The following PIGB variants were observed in gnomAD, a reference collection of about 807,000 sequenced individuals.
PIGB encodes the protein GPI alpha-1,2-mannosyltransferase 3.
PIGB carries 58 observed loss-of-function variants against 68.4 expected under a neutral mutation model. That is an observed-to-expected ratio of 0.85 (90% confidence interval 0.69 to 1.06). PIGB has a LOEUF of 1.06. PIGB is among the 50% of genes least tolerant of loss of function. The probability of loss-of-function intolerance (pLI) is 0.00; values close to 1 mark genes in which losing one functional copy is unlikely to be tolerated. For missense variants in PIGB, 634 were observed against 655.8 expected (o/e 0.97, Z 0.36); for synonymous variants, 219 against 220.5 (o/e 0.99, Z 0.06).
At position 55,319,495 on chromosome 15, in the gene PIGB, G is replaced by A. The variant is rs562879013; in HGVS notation, c.163+82G>A. ...CCATTTCATTACCAGCCAGTTGCCC[G>A]TTGAGCTCTGTGTTGCCAGATCTTG... On this transcript the variant is annotated intron_variant, in intron 1 of 11. Coordinates refer to ENST00000164305, the MANE Select transcript of PIGB (RefSeq NM_004855.5). 15 of 1,045,124 alleles carry A rather than the reference G, an allele frequency of 1.4e-5. 1 individual carries two copies. The East Asian group carries it at 1.7e-4, about 12-fold the overall frequency. 64.7% of individuals were successfully genotyped at this position (1,045,124 alleles called of 1,614,324 possible). A position where few individuals can be genotyped will look rare whatever the true frequency, so the allele number is the denominator to read the frequency against.
intron 4 of PIGB, 93 bp from the exon 5 acceptor site, chr15:55,329,631 C>T (rs2055369013): frequency 3.9e-6 from 4 of 1,018,966 alleles, no homozygotes; most frequent in Non-Finnish European, 5.7e-6. Flanking sequence ...GTCCTTTTCA[C>T]AATATTTAGA....
chr15:55,353,605 ATCT>A (rs1190709337), intron 10 of PIGB, among the ~76,000 whole-genome samples: 2 of 151,992 alleles, frequency 1.3e-5, no homozygotes, highest in Non-Finnish European at 2.9e-5. Flanking sequence ...TTATACTCTA[ATCT>A]TTTTTTTGTT....
chr15:55,333,328 G>T (rs1197281545), intron 5 of PIGB, among the ~76,000 whole-genome samples: 1 of 152,224 alleles, frequency 6.6e-6, no homozygotes, highest in Non-Finnish European at 1.5e-5. Flanking sequence ...AGGCACTGTG[G>T]CTCCTGCCTG....
intron 6 of PIGB, among the ~76,000 whole-genome samples, chr15:55,337,606 T>A (rs71476718): frequency 0.044 from 6,669 of 152,250 alleles, 230 homozygotes; most frequent in Middle Eastern, 0.058. Context: ...GAAAACTGTC[T>A]TTCAAGAAAC....
intron 6 of PIGB, among the ~76,000 whole-genome samples, chr15:55,336,929 G>T (rs1232833016): frequency 6.6e-6 from 1 of 152,196 alleles, no homozygotes; most frequent in Non-Finnish European, 1.5e-5. Context: ...GGTAGACGTT[G>T]CAATGAACTG....
intron 3 of PIGB, among the ~76,000 whole-genome samples, chr15:55,325,352 T>A (rs1054647702): frequency 6.6e-6 from 1 of 151,390 alleles, no homozygotes; most frequent in Non-Finnish European, 1.5e-5. Context: ...AATAAAAAAA[T>A]AAATAAACTC....
At chr15:55,319,825 G>T (rs61176773) in intron 1 of PIGB, 15,935 of 178,148 alleles carry the variant, frequency 0.089, 998 homozygotes, top group African/African-American at 0.18. Context: ...AGATGCATGT[G>T]AAGAAATTAA....
At chr15:55,332,102 G>A (rs769119823) in intron 5 of PIGB, among the ~76,000 whole-genome samples, 40 of 151,878 alleles carry the variant, frequency 2.6e-4, no homozygotes, top group Non-Finnish European at 3.2e-4. Flanking sequence ...AGCCTCCCGA[G>A]TAGCTGGGAC....
chr15:55,321,868 T>C (rs2055174861), intron 3 of PIGB, among the ~76,000 whole-genome samples: 1 of 142,072 alleles, frequency 7.0e-6, no homozygotes, highest in Non-Finnish European at 1.5e-5. Context: ...GTCAGGCTGG[T>C]CTCGAACTCC....
chr15:55,343,830 C>T (rs2055727967), intron 9 of PIGB, among the ~76,000 whole-genome samples: 1 of 152,134 alleles, frequency 6.6e-6, no homozygotes. Flanking sequence ...TAGAGTGGGT[C>T]AAAAAACTCT....
chr15:55,335,330 A>G (rs12050587), intron 6 of PIGB, among the ~76,000 whole-genome samples: 48,242 of 152,070 alleles, frequency 0.32, 8,522 homozygotes, highest in East Asian at 0.56. Flanking sequence ...ATTATCTTGC[A>G]TCTCAGTTGC....
At chr15:55,334,041 G>T in intron 6 of PIGB, 34 bp downstream of exon 6, 1 of 1,473,140 alleles carries the variant, frequency 6.8e-7, no homozygotes, top group Non-Finnish European at 9.1e-7. Flanking sequence ...ATTTATTTTA[G>T]TAGCCTACAA....
intron 9 of PIGB, chr15:55,346,675 T>C (rs976254180): frequency 1.3e-5 from 2 of 152,274 alleles, no homozygotes; most frequent in African/African-American, 2.4e-5. Context: ...ATCATTTACG[T>C]GGTGGGGATG....
rs1229689232 is a variant in PIGB at position 55,340,774 on chromosome 15, A to T, written c.1009A>T (p.Arg337Ter). ...TCATGGCTGCTATCTAGCACCAAAG[A>T]GATACCGGATACTTTTGGTGACTGT... The part of the protein sequence containing the change: ...FIHGCYLAPK[R>*]YRILLVTVLW... The change falls in exon 8 of 12, where the codon AGA (arginine) becomes TGA (stop). Residue 337 changes from arginine to a stop codon, truncating the protein, a stop_gained. Transcript: ENST00000164305. LOFTEE classifies it high-confidence loss of function. 1 of 1,611,152 alleles carries T rather than the reference A, an allele frequency of 6.2e-7. No homozygotes were observed. The highest frequency in any genetic ancestry group is 8.5e-7 in the Non-Finnish European group (1 of 1,178,444).
chr15:55,331,289 T>C (rs2055407693), intron 5 of PIGB, among the ~76,000 whole-genome samples: 2 of 152,166 alleles, frequency 1.3e-5, no homozygotes, highest in Admixed American at 1.3e-4. Context: ...TGCCCTTCCC[T>C]AATTCAGTCA....
chr15:55,327,489 C>T (rs1485895222), intron 3 of PIGB, 42 bp from the exon 4 acceptor site: 1 of 1,295,622 alleles, frequency 7.7e-7, no homozygotes, highest in Non-Finnish European at 1.1e-6. Flanking sequence ...TTTGAACCAA[C>T]AGATATTTTT....
At chr15:55,354,444 C>G (rs923397677) in intron 10 of PIGB, 3 of 188,702 alleles carry the variant, frequency 1.6e-5, no homozygotes, top group African/African-American at 7.1e-5. Context: ...AATTACTCTC[C>G]TATTAACAAG....
intron 6 of PIGB, among the ~76,000 whole-genome samples, chr15:55,336,004 A>G (rs180787053): frequency 1.2e-3 from 185 of 148,566 alleles, no homozygotes; most frequent in African/African-American, 4.6e-3. Flanking sequence ...AGTGAGTAAG[A>G]TACAGTGTCT....
intron 3 of PIGB, among the ~76,000 whole-genome samples, chr15:55,323,054 TCC>T (rs2055202849): frequency 6.6e-6 from 1 of 152,114 alleles, no homozygotes; most frequent in African/African-American, 2.4e-5. Context: ...GAAGGAAGCC[TCC>T]CCTGACCTGC....
Sources: allele counts gnomAD v4.1 joint callset (sites outside exome capture counted in the v4.1 genomes callset), GRCh38; gene constraint gnomAD v4.1.1; transcripts MANE v1.5; gene names NCBI Gene and HGNC (gene_info 2026-07-23, HGNC 2026-07-21).